The following MED17 variants were observed in gnomAD, a reference collection of about 807,000 sequenced individuals.
MED17 encodes mediator of RNA polymerase II transcription subunit 17.
Under a neutral mutation model 80.8 loss-of-function variants are expected in MED17, and 49 were observed. The ratio of observed to expected loss-of-function variants is 0.61; its 90% CI spans 0.48 to 0.77. The LOEUF (loss-of-function observed/expected upper bound fraction) is 0.77. Among genes scored for constraint, MED17 ranks in the 30% least tolerant of loss-of-function variants. The pLI is 0.00. For synonymous variants in MED17, 281 were observed against 280.4 expected (o/e 1.00, Z -0.02); for missense variants, 718 against 787.0 (o/e 0.91, Z 1.05).
chr11:93,810,549 G>A (rs1374716848), intron 11 of MED17: 1 of 152,560 alleles, frequency 6.6e-6, no homozygotes. Context: ...TTTTAGTAGA[G>A]ACGGGGTTTT....
chr11:93,794,823 T>C lies in MED17; in HGVS notation c.860-85T>C, dbSNP rs1438423019. 9.3e-6 allele frequency: 13 copies of C among 1,403,040 alleles called. No homozygotes were observed. In the East Asian group the frequency reaches 2.3e-4, roughly 25 times the overall value. The allele number at this position is 1,403,040 out of a possible 1,614,324, so 86.9% of individuals were successfully genotyped here. On this transcript the variant is annotated intron_variant, in intron 5 of 11. Coordinates refer to ENST00000251871, the MANE Select transcript of MED17 (RefSeq NM_004268.5). ...CGTAATGTAGTGTTTTCCTAAACTT[T>C]TGTCATATGTATTCAGATCACCATT...
At chr11:93,808,363 T>C in intron 10 of MED17, 1 of 76,364 alleles carries the variant, frequency 1.3e-5, no homozygotes, top group Non-Finnish European at 2.9e-5. Flanking sequence ...AGATACCATC[T>C]CTTTTTAAAA....
chr11:93,812,060 T>G lies in MED17; in HGVS notation c.1952T>G (p.Leu651Arg). 6.2e-7 allele frequency: 1 copy of G among 1,613,884 alleles called. No homozygotes were observed. ...ATGTCTGCACTTAGCCCTTGTCTAC[T>G]ATGATTTTTTCCAGATGTTTCCTAA... ...LLMSALSPCL[L>R] The change falls in exon 12 of 12, where the codon CTA becomes CGA. Residue 651 changes from leucine to arginine, a missense_variant. Coordinates refer to ENST00000251871, the MANE Select transcript of MED17 (RefSeq NM_004268.5).
chr11:93,796,641 A>G (rs1454657814), intron 7 of MED17, 101 bp downstream of exon 7: 2 of 1,306,260 alleles, frequency 1.5e-6, no homozygotes, highest in Non-Finnish European at 2.2e-6. Flanking sequence ...TTATTCACAT[A>G]GCAACAACAT....
intron 5 of MED17, chr11:93,794,241 G>A: frequency 2.8e-6 from 1 of 363,630 alleles, no homozygotes; most frequent in Non-Finnish European, 4.7e-6. Flanking sequence ...TTTCTCTCTT[G>A]TTGCCCAGGC....
In MED17 at chr11:93,814,544, A is replaced by T. The variant is rs951282107; in HGVS notation, c.*2480A>T. 4 of 152,188 alleles carry T rather than the reference A, an allele frequency of 2.6e-5. No individual in the cohort carries two copies. Among genetic ancestry groups the T allele is most frequent in the Non-Finnish European group, 5.9e-5 (4 of 68,034 alleles). 9.4% of individuals were successfully genotyped at this position (152,188 alleles called of 1,614,324 possible). A position where few individuals can be genotyped will look rare whatever the true frequency, so the allele number is the denominator to read the frequency against. The stretch of plus-strand genomic sequence containing the variant: ...ATTCTCTGTGAACTTGTTTCCTTAT[A>T]TATAAATGAAGATAGAGGTGCCTCC... On this transcript the variant is annotated 3_prime_UTR_variant, in exon 12 of 12. Transcript: ENST00000251871.
At position 93,794,051 on chromosome 11, in the gene MED17, A is replaced by G. The variant is rs200615086; in HGVS notation, c.859+16A>G. ...TCCAAACCAGGTATGGTTATGTTCT[A>G]TTCTCTAATTTCTGGTCTTATTTGA... On this transcript the variant is annotated intron_variant, in intron 5 of 11. Coordinates refer to ENST00000251871, the MANE Select transcript of MED17 (RefSeq NM_004268.5). The G allele has an allele frequency of 2.2e-4, 344 of 1,591,874 alleles. 1 individual carries two copies. In the African/African-American group the frequency reaches 3.4e-3, roughly 16 times the overall value.
At chr11:93,811,797 T>C (rs1345247532) in intron 11 of MED17, 56 bp from the exon 12 acceptor site, 23 of 1,413,026 alleles carry the variant, frequency 1.6e-5, no homozygotes, top group Non-Finnish European at 1.3e-5. Flanking sequence ...GATTTATCCT[T>C]GTTATTTCTA....
Position 93,784,350 on chromosome 11 carries a change from T to C in MED17, c.-164T>C. 10 of 911,174 alleles carry C rather than the reference T, an allele frequency of 1.1e-5. No individual in the cohort carries two copies. The highest frequency in any genetic ancestry group is 1.6e-5 in the Non-Finnish European group (10 of 626,930). The allele number at this position is 911,174 out of a possible 1,614,324, so 56.4% of individuals were successfully genotyped here. A position where few individuals can be genotyped will look rare whatever the true frequency, so the allele number is the denominator to read the frequency against. ...GTTCTGGGAAAGTTGCTGGGCCAGC[T>C]CCTTTGTTTCCAGTCTGAGCGTTGC... On this transcript the variant is annotated 5_prime_UTR_variant, in exon 1 of 12. Transcript: ENST00000251871.
At position 93,784,612 on chromosome 11, in the gene MED17, G is replaced by A. The variant is rs112976734; in HGVS notation, c.99G>A (p.Pro33=). 11 of 1,599,762 alleles carry A rather than the reference G, an allele frequency of 6.9e-6. No individual in the cohort carries two copies. The African/African-American group carries it at 1.1e-4, about 16-fold the overall frequency. The change falls in exon 1 of 12, where the codon CCG becomes CCA. Residue 33 remains proline, a synonymous_variant. Transcript: ENST00000251871. Reference sequence around the variant, plus strand: ...ATGGCACCGAGACGTACCTGCCCCCGCTGTCCATGTCGCAGAATCTGGCGC... The same window carrying A: ...ATGGCACCGAGACGTACCTGCCCCCACTGTCCATGTCGCAGAATCTGGCGC... The part of the protein sequence containing the change: ...GLDGTETYLP[P]LSMSQNLARL...
intron 3 of MED17, among the ~76,000 whole-genome samples, chr11:93,791,684 C>T (rs561733137): frequency 1.3e-5 from 2 of 151,988 alleles, no homozygotes; most frequent in South Asian, 4.2e-4. Context: ...CCAGCCTGAC[C>T]TTGTCTCAAA....
chr11:93,797,844 G>C (rs562098963), intron 8 of MED17, 125 bp downstream of exon 8: 10 of 847,828 alleles, frequency 1.2e-5, no homozygotes, highest in Non-Finnish European at 1.9e-5. Context: ...GAGGTGGTAA[G>C]AGTTTATTTG....
chr11:93,805,362 C>T (rs1015142907), intron 9 of MED17, among the ~76,000 whole-genome samples: 2 of 152,126 alleles, frequency 1.3e-5, no homozygotes, highest in Non-Finnish European at 2.9e-5. Flanking sequence ...TTGGGCGGAG[C>T]ACTTGAGGCC....
intron 8 of MED17, among the ~76,000 whole-genome samples, chr11:93,798,418 G>A (rs1042096951): frequency 2.0e-5 from 3 of 152,150 alleles, no homozygotes; most frequent in Non-Finnish European, 4.4e-5. Context: ...TGCCTTGGTA[G>A]TACTCCAGAA....
chr11:93,810,087 G>A, intron 11 of MED17: 1 of 556,372 alleles, frequency 1.8e-6, no homozygotes. Context: ...GTTTAGATTG[G>A]CAGCACATTT....
chr11:93,803,995 GTGTGTA>G (rs1565293189), intron 9 of MED17, among the ~76,000 whole-genome samples: 4 of 2,936 alleles, frequency 1.4e-3, no homozygotes, highest in Non-Finnish European at 0.011. Flanking sequence ...GTATATATGT[GTGTGTA>G]TATATATATA....
At chr11:93,787,960 G>C (rs367574777) in intron 1 of MED17, 41 bp from the exon 2 acceptor site, 3 of 1,558,186 alleles carry the variant, frequency 1.9e-6, no homozygotes, top group Admixed American at 1.7e-5. Context: ...TCAATGTAAC[G>C]AATACTTCTG....
intron 6 of MED17, 192 bp downstream of exon 6, chr11:93,795,252 C>G (rs1943887563): frequency 1.5e-6 from 1 of 684,834 alleles, no homozygotes; most frequent in African/African-American, 1.8e-5. Context: ...AATAGTGTGA[C>G]CCTTGGATTT....
chr11:93,796,686 T>C (rs1943906839), intron 7 of MED17, 146 bp downstream of exon 7: 1 of 967,988 alleles, frequency 1.0e-6, no homozygotes, highest in Non-Finnish European at 1.6e-6. Context: ...TGCTGTGTGC[T>C]AGGGGAATAC....
Sources: gnomAD v4.1 joint callset for allele counts (sites outside exome capture counted in the v4.1 genomes callset) on GRCh38, gnomAD v4.1.1 for gene constraint, MANE v1.5 for transcripts, NCBI Gene and HGNC (gene_info 2026-07-23, HGNC 2026-07-21) for gene names.